Variants in MFSD11 observed in about 807,000 individuals in gnomAD.
The protein encoded by MFSD11 is major facilitator superfamily domain containing 11, also known as UNC93-like protein MFSD11.
MFSD11 carries 36 observed loss-of-function variants against 53.5 expected under a neutral mutation model. The observed-to-expected ratio is 0.67, with a 90% confidence interval of 0.52 to 0.89. MFSD11 has a LOEUF of 0.89. Ranked by LOEUF, MFSD11 falls within the 40% of genes least tolerant of loss-of-function variation. The pLI, the probability that MFSD11 is intolerant of heterozygous loss-of-function variation, is 0.00. For missense variants in MFSD11, 530 were observed against 543.9 expected (o/e 0.97, Z 0.25); for synonymous variants, 186 against 184.9 (o/e 1.01, Z -0.05).
At chr17:76,754,853 C>T (rs547621828) in intron 8 of MFSD11, among the ~76,000 whole-genome samples, 15 of 152,176 alleles carry the variant, frequency 9.9e-5, no homozygotes, top group African/African-American at 2.6e-4. Context: ...CACAATTCTA[C>T]GAGTATTATA....
At chr17:76,777,632 A>G (rs2081969256) in intron 12 of MFSD11, among the ~76,000 whole-genome samples, 1 of 151,300 alleles carries the variant, frequency 6.6e-6, no homozygotes, top group South Asian at 2.1e-4. Flanking sequence ...AAAGTTGGGG[A>G]CATCCTTTAA....
chr17:76,778,413 G>A lies in MFSD11; in HGVS notation c.*61G>A. On this transcript the variant is annotated 3_prime_UTR_variant, in exon 13 of 13. Transcript: ENST00000685175. The stretch of plus-strand genomic sequence containing the variant: ...AACACAGCTGGACACAGAGCTTGGT[G>A]GAAGAAGTCGCCTTTGATCTTCACT... The A allele has an allele frequency of 6.5e-7, 1 of 1,546,466 alleles. No individual in the cohort carries two copies. Among genetic ancestry groups the A allele is most frequent in the South Asian group, 1.1e-5 (1 of 88,120 alleles).
Position 76,769,841 on chromosome 17 carries a change from G to A in MFSD11, c.844G>A (p.Gly282Ser). The A allele has an allele frequency of 1.2e-6, 2 of 1,610,576 alleles. No homozygotes were observed. Among genetic ancestry groups the A allele is most frequent in the Non-Finnish European group, 1.7e-6 (2 of 1,179,220 alleles). Residue 282 changes from glycine (G) to serine (S), a missense_variant, in exon 10 of 13, where the codon GGC becomes AGC. Gly to Ser is a moderately conservative substitution (Grantham distance 56). Transcript: ENST00000685175. The stretch of plus-strand genomic sequence containing the variant: ...AGAGAAAAGCCTTATTGGACTTTCT[G>A]GCATTTTCATCGGCATTGGAGAAAT... ...AEEKSLIGLSGIFIGIGEILG... is the reference protein window; with the variant it reads ...AEEKSLIGLSSIFIGIGEILG...
chr17:76,794,901 G>A, the MFSD11 span, among the ~76,000 whole-genome samples: 1 of 150,872 alleles, frequency 6.6e-6, no homozygotes, highest in Admixed American at 6.6e-5. Flanking sequence ...TCACCATCCT[G>A]GCCAGGCTGG....
At chr17:76,763,948 C>T (rs2144692619) in intron 8 of MFSD11, among the ~76,000 whole-genome samples, 1 of 152,080 alleles carries the variant, frequency 6.6e-6, no homozygotes, top group Non-Finnish European at 1.5e-5. Flanking sequence ...CTGCAGCCTC[C>T]TCCTCCTGGG....
rs573513411 is a variant in MFSD11 at position 76,746,354 on chromosome 17, A to C, written c.641+1888A>C. Among the ~76,000 whole-genome samples, 7 of 152,360 alleles carry C rather than the reference A, an allele frequency of 4.6e-5. No homozygotes were observed. The South Asian group carries it at 8.3e-4, about 18-fold the overall frequency. The stretch of plus-strand genomic sequence containing the variant: ...AACCATCTCCATGACATAAAAGTGC[A>C]AGGTGAAACAGCAAGTGCTGCTGGA... On this transcript the variant is annotated intron_variant, in intron 7 of 12. Coordinates refer to ENST00000685175, the MANE Select transcript of MFSD11 (RefSeq NM_001242532.5).
intron 8 of MFSD11, among the ~76,000 whole-genome samples, chr17:76,765,090 C>T (rs938528677): frequency 5.9e-5 from 9 of 152,140 alleles, no homozygotes; most frequent in Non-Finnish European, 1.2e-4. Flanking sequence ...ACCCCAGGTC[C>T]TGAAAATTTA....
At chr17:76,786,086 A>C (rs1468276080), downstream of MFSD11, among the ~76,000 whole-genome samples, 4 of 151,260 alleles carry the variant, frequency 2.6e-5, no homozygotes, top group Admixed American at 6.6e-5. Context: ...AAAAAAAAAA[A>C]AAAAAACAGA....
intron 7 of MFSD11, among the ~76,000 whole-genome samples, chr17:76,752,471 C>T (rs193209430): frequency 6.7e-6 from 1 of 148,740 alleles, no homozygotes; most frequent in East Asian, 2.0e-4. Flanking sequence ...ATCTCAGTTT[C>T]TGGGTTCAAG....
At chr17:76,782,888 GA>G (rs2082204334), downstream of MFSD11, among the ~76,000 whole-genome samples, 1 of 151,992 alleles carries the variant, frequency 6.6e-6, no homozygotes, top group Non-Finnish European at 1.5e-5. Flanking sequence ...AGTTAAAGAT[GA>G]AATGTGGGGC....
At chr17:76,739,992 C>A (rs2077900512) in intron 2 of MFSD11, among the ~76,000 whole-genome samples, 2 of 151,404 alleles carry the variant, frequency 1.3e-5, no homozygotes, top group Non-Finnish European at 2.9e-5. Flanking sequence ...CGGTGAAACC[C>A]CGTCTGTACT....
At position 76,768,985 on chromosome 17, in the gene MFSD11, C is replaced by CAA. The variant is rs769093548; in HGVS notation, c.749-744_749-743dup. ...TGGGCAACAGAGCAAGACTCTCTCT[C>CAA]AAAAAAAAAAAAAAAAAAGAATGTT... On this transcript the variant is annotated intron_variant, in intron 9 of 12. Coordinates refer to ENST00000685175, the MANE Select transcript of MFSD11 (RefSeq NM_001242532.5). Among the ~76,000 whole-genome samples, 103 of 83,094 alleles carry CAA rather than the reference C, an allele frequency of 1.2e-3. No homozygotes were observed. In the South Asian group the frequency reaches 0.017, roughly 14 times the overall value. 54.5% of individuals were successfully genotyped at this position (83,094 alleles called of 152,430 possible).
At chr17:76,762,656 CAAAAAA>C (rs35436399) in intron 8 of MFSD11, among the ~76,000 whole-genome samples, 1 of 76,148 alleles carries the variant, frequency 1.3e-5, no homozygotes, top group Non-Finnish European at 2.8e-5. Flanking sequence ...ACTCCGTCTC[CAAAAAA>C]AAAAAAAAAA....
At chr17:76,751,327 T>C (rs1455706241) in intron 7 of MFSD11, among the ~76,000 whole-genome samples, 2 of 150,420 alleles carry the variant, frequency 1.3e-5, no homozygotes, top group East Asian at 2.0e-4. Context: ...GAGGTGGAGA[T>C]TGCAGTGAGC....
At chr17:76,753,990 G>T (rs2079325073) in intron 7 of MFSD11, 57 bp from the exon 8 acceptor site, 2 of 1,421,568 alleles carry the variant, frequency 1.4e-6, no homozygotes, top group African/African-American at 1.4e-5. Flanking sequence ...GTGATCGTAT[G>T]TTTGTTCTTT....
At chr17:76,747,092 CTTA>C (rs2144259636) in intron 7 of MFSD11, among the ~76,000 whole-genome samples, 1 of 152,048 alleles carries the variant, frequency 6.6e-6, no homozygotes, top group East Asian at 1.9e-4. Flanking sequence ...ACTTTCAAGT[CTTA>C]TTATTTAAGA....
At chr17:76,802,680 A>G in the MFSD11 span, among the ~76,000 whole-genome samples, 3 of 152,212 alleles carry the variant, frequency 2.0e-5, no homozygotes, top group Non-Finnish European at 4.4e-5. Context: ...GGAGTTCAAG[A>G]CCAGCCTAGC....
downstream of MFSD11, among the ~76,000 whole-genome samples, chr17:76,783,141 C>T (rs150710678): frequency 0.018 from 2,684 of 145,902 alleles, 88 homozygotes; most frequent in African/African-American, 0.065. Flanking sequence ...CACGCCACTG[C>T]ACTCCAGCTC....
At chr17:76,756,370 C>T (rs960783179) in intron 8 of MFSD11, among the ~76,000 whole-genome samples, 7 of 151,856 alleles carry the variant, frequency 4.6e-5, no homozygotes, top group African/African-American at 1.7e-4. Flanking sequence ...GTGATCCACC[C>T]GCCTCGGCCT....
Sources: allele counts gnomAD v4.1 joint callset (sites outside exome capture counted in the v4.1 genomes callset), GRCh38; gene constraint gnomAD v4.1.1; transcripts MANE v1.5; gene names NCBI Gene and HGNC (gene_info 2026-07-23, HGNC 2026-07-21).